The following CLSPN variants were observed in gnomAD, a reference collection of about 807,000 sequenced individuals.
The protein encoded by CLSPN is claspin, also known as claspin homolog.
A neutral mutation model predicts 156.3 loss-of-function variants in CLSPN; 85 were observed. The observed-to-expected ratio is 0.54, with a 90% CI of 0.46 to 0.65. The LOEUF (loss-of-function observed/expected upper bound fraction) is 0.65, where lower values mean the gene tolerates loss of function less well. Among genes scored for constraint, CLSPN ranks in the 30% least tolerant of loss-of-function variants. The probability of loss-of-function intolerance (pLI) is 0.00; values close to 1 mark genes in which losing one functional copy is unlikely to be tolerated. For missense variants in CLSPN, 1,407 were observed against 1,554.9 expected (o/e 0.90, Z 1.60); for synonymous variants, 534 against 542.4 (o/e 0.98, Z 0.22).
chr1:35,734,727 A>G lies in CLSPN; in HGVS notation c.*1769T>C. On this transcript the variant is annotated 3_prime_UTR_variant, in exon 25 of 25. Coordinates refer to ENST00000318121, the MANE Select transcript of CLSPN (RefSeq NM_022111.4). ...AAAAGAAAAAGAAAAAGAAAAGAAA[A>G]GAAAAACTGTAAAAAACCTACAACC... 4 of 976,836 alleles carry G rather than the reference A, an allele frequency of 4.1e-6. No individual in the cohort carries two copies. The highest frequency in any genetic ancestry group is 4.9e-6 in the Non-Finnish European group (4 of 822,240). The allele number at this position is 976,836 out of a possible 1,614,324, so 60.5% of individuals were successfully genotyped here.
chr1:35,762,219 T>C, intron 5 of CLSPN, 149 bp from the exon 6 acceptor site: 1 of 798,048 alleles, frequency 1.3e-6, no homozygotes, highest in East Asian at 2.7e-5. Flanking sequence ...ACTCAAGGAA[T>C]TCATTTATTC....
Position 35,733,199 on chromosome 1 carries a change from C to A in CLSPN, c.*3297G>T, listed in dbSNP as rs1211318167. On this transcript the variant is annotated 3_prime_UTR_variant, in exon 25 of 25. Coordinates refer to ENST00000318121, the MANE Select transcript of CLSPN (RefSeq NM_022111.4). Reference sequence around the variant, plus strand: ...GTCAGTCTGGTCTCCAACTCCTGACCTTAGGTGATCCAGCTGCCTCAGCCT... The same window carrying A: ...GTCAGTCTGGTCTCCAACTCCTGACATTAGGTGATCCAGCTGCCTCAGCCT... 6.6e-6 allele frequency among the ~76,000 whole-genome samples: 1 copy of A among 152,000 alleles called. No homozygotes were observed. Among genetic ancestry groups the A allele is most frequent in the African/African-American group, 2.4e-5 (1 of 41,384 alleles).
At chr1:35,758,706 A>G (rs1403636593) in intron 8 of CLSPN, among the ~76,000 whole-genome samples, 1 of 151,922 alleles carries the variant, frequency 6.6e-6, no homozygotes, top group Non-Finnish European at 1.5e-5. Context: ...AGCAGCAACA[A>G]CTTTTTGAGT....
In CLSPN at chr1:35,764,365, A is replaced by G. The variant is rs760093097; in HGVS notation, c.483T>C (p.Thr161=). 2 of 1,610,242 alleles carry G rather than the reference A, an allele frequency of 1.2e-6. No homozygotes were observed. The highest frequency in any genetic ancestry group is 8.5e-7 in the Non-Finnish European group (1 of 1,179,172). Residue 161 remains threonine, a synonymous_variant, in exon 3 of 25, where the codon ACT becomes ACC. Coordinates refer to ENST00000318121, the MANE Select transcript of CLSPN (RefSeq NM_022111.4). ...TTGATTTTACTTTTGCTTTTCCTGC[A>G]GTTCCTTCTTTATCATGTATGTGCT... ...SKKHIHDKEG[T]AGKAKVKSKR... is the part of the protein sequence containing the mutation.
At chr1:35,765,547 C>T (rs1034355973) in intron 1 of CLSPN, among the ~76,000 whole-genome samples, 4 of 150,746 alleles carry the variant, frequency 2.7e-5, no homozygotes, top group South Asian at 2.1e-4. Flanking sequence ...CTTTTAGTAA[C>T]GGTAAAAAAA....
chr1:35,763,157 T>C lies in CLSPN; in HGVS notation c.744+3A>G. On this transcript the variant is annotated splice_donor_region_variant and intron_variant, in intron 4 of 24. Transcript: ENST00000318121. Reference sequence around the variant, plus strand: ...ACTCTTATTGCAATCATGCTTTACTTGCCTTGTGCTTTTTTACTTTGTTTT... The same window carrying C: ...ACTCTTATTGCAATCATGCTTTACTCGCCTTGTGCTTTTTTACTTTGTTTT... 6.4e-7 allele frequency: 1 copy of C among 1,552,454 alleles called. No homozygotes were observed. Among genetic ancestry groups the C allele is most frequent in the Non-Finnish European group, 8.7e-7 (1 of 1,153,880 alleles).
chr1:35,762,325 TA>T, intron 5 of CLSPN, 78 bp downstream of exon 5: 2 of 1,262,686 alleles, frequency 1.6e-6, no homozygotes, highest in South Asian at 2.6e-5. Flanking sequence ...ATAGACAAAA[TA>T]AAATATTTAT....
chr1:35,733,395 T>C lies in CLSPN; in HGVS notation c.*3101A>G. On this transcript the variant is annotated 3_prime_UTR_variant, in exon 25 of 25. Coordinates refer to ENST00000318121, the MANE Select transcript of CLSPN (RefSeq NM_022111.4). ...GTCTCGAACTCCTGAGTTCAAGCAATGCACCCACCTCAGTCTCCTAAAGTG... is the reference window on the plus strand; with the variant it reads ...GTCTCGAACTCCTGAGTTCAAGCAACGCACCCACCTCAGTCTCCTAAAGTG... 2.5e-6 allele frequency: 2 copies of C among 792,380 alleles called. No individual in the cohort carries two copies. The highest frequency in any genetic ancestry group is 3.0e-6 in the Non-Finnish European group (2 of 657,560). 49.1% of individuals were successfully genotyped at this position (792,380 alleles called of 1,614,324 possible).
chr1:35,761,207 A>G lies in CLSPN; in HGVS notation c.896-3T>C. 6.5e-7 allele frequency: 1 copy of G among 1,526,896 alleles called. No individual in the cohort carries two copies. The highest frequency in any genetic ancestry group is 1.1e-5 in the South Asian group (1 of 88,614). The allele number at this position is 1,526,896 out of a possible 1,614,324, so 94.6% of individuals were successfully genotyped here. ...ATATGGAAGGTTCAGTGCAGACTCT[A>G]TAAAATGGAATAAAACAAGCAAATA... On this transcript the variant is annotated splice_region_variant and splice_polypyrimidine_tract_variant and intron_variant, in intron 6 of 24. Transcript: ENST00000318121.
chr1:35,732,677 T>C lies in CLSPN; in HGVS notation c.*3819A>G. On this transcript the variant is annotated 3_prime_UTR_variant, in exon 25 of 25. Coordinates refer to ENST00000318121, the MANE Select transcript of CLSPN (RefSeq NM_022111.4). ...ACTCATGGGCTCTCATCCCTCCAAA[T>C]ATGTAATTTCCAAGCTAGTGAAGCT... 1.0e-6 allele frequency: 1 copy of C among 985,390 alleles called. No individual in the cohort carries two copies. The highest frequency in any genetic ancestry group is 1.2e-6 in the Non-Finnish European group (1 of 829,914). The allele number at this position is 985,390 out of a possible 1,614,324, so 61.0% of individuals were successfully genotyped here.
intron 9 of CLSPN, among the ~76,000 whole-genome samples, chr1:35,752,246 TG>T (rs928186115): frequency 1.3e-5 from 2 of 152,088 alleles, no homozygotes; most frequent in African/African-American, 4.8e-5. Context: ...TAATGAGTCA[TG>T]TTGTATTCAT....
Position 35,753,789 on chromosome 1 carries a change from G to C in CLSPN, c.1727C>G (p.Thr576Ser). The C allele has an allele frequency of 6.2e-7, 1 of 1,614,232 alleles. No homozygotes were observed. The highest frequency in any genetic ancestry group is 1.1e-5 in the South Asian group (1 of 91,086). ...EELKADVVPV[T>S]LAPKKLDGAS... is the part of the protein sequence containing the mutation. ...TCCATCCAACTTCTTAGGTGCTAAA[G>C]TCACAGGTACCACATCTGCTTTTAG... Residue 576 changes from threonine to serine, a missense_variant, in exon 9 of 25, where the codon ACT becomes AGT. This residue lies in a region of CLSPN where 1,096 missense variants were observed against 1,193.0 expected (regional missense o/e 0.92). Transcript: ENST00000318121.
At position 35,765,258 on chromosome 1, in the gene CLSPN, T is replaced by A. The variant is rs745800388; in HGVS notation, c.93A>T (p.Gly31=). The A allele has an allele frequency of 6.2e-7, 1 of 1,613,868 alleles. No homozygotes were observed. The highest frequency in any genetic ancestry group is 8.5e-7 in the Non-Finnish European group (1 of 1,179,806). ...QEEADSPSDS[G]QGSYETIGPL... is the part of the protein sequence containing the mutation. ...GTCCAATTGTTTCATAGCTGCCCTG[T>A]CCACTATCTGAAGGACTATCTGCTT... Residue 31 remains glycine, a synonymous_variant, in exon 2 of 25, where the codon GGA becomes GGT. Transcript: ENST00000318121.
intron 16 of CLSPN, among the ~76,000 whole-genome samples, chr1:35,744,559 G>A (rs1304022621): frequency 1.3e-5 from 2 of 152,136 alleles, no homozygotes; most frequent in Non-Finnish European, 2.9e-5. Flanking sequence ...GCCACCCAAA[G>A]TGTTGGGATT....
chr1:35,738,402 G>A, intron 21 of CLSPN, 53 bp downstream of exon 21: 1 of 1,573,438 alleles, frequency 6.4e-7, no homozygotes, highest in Non-Finnish European at 8.7e-7. Context: ...AAACTATCAT[G>A]ACAAGCTAAG....
At position 35,769,932 on chromosome 1, in the gene CLSPN, A is replaced by G; in HGVS notation, c.-62T>C. On this transcript the variant is annotated 5_prime_UTR_variant, in exon 1 of 25. Transcript: ENST00000318121. ...CTGTCTCTGATTCCCTCAGCCGGAGAGCAGCGGCTCCCGCCGTCTCCAGCC... is the reference window on the plus strand; with the variant it reads ...CTGTCTCTGATTCCCTCAGCCGGAGGGCAGCGGCTCCCGCCGTCTCCAGCC... 1 of 1,584,338 alleles carries G rather than the reference A, an allele frequency of 6.3e-7. No individual in the cohort carries two copies.
In CLSPN at chr1:35,763,322, CTAAG is replaced by C. The variant is rs1571221715; in HGVS notation, c.583-5_583-2del. 1 of 1,575,390 alleles carries C rather than the reference CTAAG, an allele frequency of 6.3e-7. No individual in the cohort carries two copies. The highest frequency in any genetic ancestry group is 8.6e-7 in the Non-Finnish European group (1 of 1,167,992). ...TAAATGGCTGTTCTACATCATCTTC[CTAAG>C]TAATACATAAACAAAAAGCATAATC... On this transcript the variant is annotated splice_acceptor_variant and splice_polypyrimidine_tract_variant and intron_variant, in intron 3 of 24. Transcript: ENST00000318121. LOFTEE classifies it high-confidence loss of function.
In CLSPN at chr1:35,734,924, T is replaced by C. The variant is rs1641415362; in HGVS notation, c.*1572A>G. On this transcript the variant is annotated 3_prime_UTR_variant, in exon 25 of 25. Transcript: ENST00000318121. ...GGGGAAAAACATTTGTCTAAAATTCTGAGAAGCTTGTGGTAGTTCAGGGAA... is the reference window on the plus strand; with the variant it reads ...GGGGAAAAACATTTGTCTAAAATTCCGAGAAGCTTGTGGTAGTTCAGGGAA... 1.0e-6 allele frequency: 1 copy of C among 985,328 alleles called. No homozygotes were observed. Among genetic ancestry groups the C allele is most frequent in the African/African-American group, 1.7e-5 (1 of 57,248 alleles). 61.0% of individuals were successfully genotyped at this position (985,328 alleles called of 1,614,324 possible).
chr1:35,728,077 C>CTTTTTTTT (rs59275877), downstream of CLSPN, among the ~76,000 whole-genome samples: 9 of 103,984 alleles, frequency 8.7e-5, no homozygotes, highest in Non-Finnish European at 5.6e-5. Context: ...AAACCACAAG[C>CTTTTTTTT]TTTTTTTTTT....
Sources: gnomAD v4.1 joint callset for allele counts (sites outside exome capture counted in the v4.1 genomes callset) on GRCh38, gnomAD v4.1.1 for gene constraint, gnomAD v4.1.1 regional missense constraint, MANE v1.5 for transcripts, NCBI Gene and HGNC (gene_info 2026-07-23, HGNC 2026-07-21) for gene names.